The following SLC9B1 variants were observed in gnomAD, a reference collection of about 807,000 sequenced individuals.
The protein encoded by SLC9B1 is sodium/hydrogen exchanger 9B1.
Under a neutral mutation model 51.7 loss-of-function variants are expected in SLC9B1, and 32 were observed. The observed-to-expected ratio is 0.62, with a 90% CI of 0.47 to 0.83. The LOEUF is 0.83. Ranked by LOEUF, SLC9B1 falls within the 40% of genes least tolerant of loss-of-function variation. SLC9B1 has a pLI of 0.00. For missense variants in SLC9B1, 406 were observed against 613.2 expected, an observed-to-expected ratio of 0.66 and a Z score of 3.57; for synonymous variants, 145 against 212.7, an observed-to-expected ratio of 0.68 and a Z score of 2.77.
At chr4:102,960,134 T>C (rs1243311944) in intron 3 of SLC9B1, among the ~76,000 whole-genome samples, 3 of 152,014 alleles carry the variant, frequency 2.0e-5, no homozygotes, top group Non-Finnish European at 4.4e-5. Flanking sequence ...ATATATGCAC[T>C]GGGATATCTT....
At chr4:102,954,395 T>C (rs1737672725) in intron 3 of SLC9B1, among the ~76,000 whole-genome samples, 1 of 88,978 alleles carries the variant, frequency 1.1e-5, no homozygotes, top group Non-Finnish European at 2.1e-5. Flanking sequence ...TGAGGATTTT[T>C]GCATCAATGT....
intron 7 of SLC9B1, among the ~76,000 whole-genome samples, chr4:102,925,389 C>T (rs1038958077): frequency 6.6e-6 from 1 of 152,094 alleles, no homozygotes; most frequent in Non-Finnish European, 1.5e-5. Context: ...GAACATCACA[C>T]ACTGGGGCCT....
At position 102,940,890 on chromosome 4, in the gene SLC9B1, G is replaced by A. The variant is rs1329666712; in HGVS notation, c.653+4303C>T. 9.2e-5 allele frequency among the ~76,000 whole-genome samples: 14 copies of A among 152,148 alleles called. No individual in the cohort carries two copies. In the East Asian group the frequency reaches 9.7e-4, roughly 11 times the overall value. Reference sequence around the variant, plus strand: ...GCAATGGGGAAAGGAATCCCTACTCGGAAATTGTGCTGGGATAACTGGCTA... The same window carrying A: ...GCAATGGGGAAAGGAATCCCTACTCAGAAATTGTGCTGGGATAACTGGCTA... On this transcript the variant is annotated intron_variant, in intron 6 of 11. Transcript: ENST00000296422.
At chr4:102,887,423 AAGT>A in intron 11 of SLC9B1, 1 of 997,110 alleles carries the variant, frequency 1.0e-6, no homozygotes, top group Non-Finnish European at 1.6e-6. Flanking sequence ...AAGAAGAAAG[AAGT>A]ATAATAATAA....
downstream of SLC9B1, chr4:102,896,862 T>C (rs952747764): frequency 7.2e-6 from 1 of 139,266 alleles, no homozygotes; most frequent in African/African-American, 2.7e-5. Context: ...GCAAAGTCTT[T>C]GTTGGATTAA....
At chr4:102,893,119 CA>C (rs1030506197) in intron 11 of SLC9B1, among the ~76,000 whole-genome samples, 2 of 151,240 alleles carry the variant, frequency 1.3e-5, no homozygotes, top group African/African-American at 4.9e-5. Flanking sequence ...CTCGTCTCTA[CA>C]AAAATATAAA....
chr4:102,951,408 G>C (rs983824220), intron 3 of SLC9B1, among the ~76,000 whole-genome samples: 4 of 151,752 alleles, frequency 2.6e-5, no homozygotes, highest in African/African-American at 4.8e-5. Flanking sequence ...ACAAAGAATG[G>C]GATTAGATGT....
At position 103,005,261 on chromosome 4, in the gene SLC9B1, TAA is replaced by T. The variant is rs111991015; in HGVS notation, c.-1-13551_-1-13550del. Among the ~76,000 whole-genome samples, 1,212 of 135,588 alleles carry T rather than the reference TAA, an allele frequency of 8.9e-3. 5 individuals are homozygous for T. Among genetic ancestry groups the T allele is most frequent in the Admixed American group, 0.024 (327 of 13,758 alleles). The allele number at this position is 135,588 out of a possible 152,430, so 89.0% of individuals were successfully genotyped here. ...ATAGAGAAAAATCTACCAAGCAAAT[TAA>T]AAAAAAAAAAAAAACCAGAAAAAAG... On this transcript the variant is annotated intron_variant, in intron 1 of 11. Transcript: ENST00000296422.
At chr4:102,935,064 AT>A (rs1736652246) in intron 6 of SLC9B1, among the ~76,000 whole-genome samples, 1 of 152,154 alleles carries the variant, frequency 6.6e-6, no homozygotes, top group Non-Finnish European at 1.5e-5. Flanking sequence ...GAGAAAAAAA[AT>A]CATCACAAAC....
Position 102,895,657 on chromosome 4 carries a change from C to T in SLC9B1, c.1332+9857G>A, listed in dbSNP as rs1385797913. ...TGTTAATAAAACAGATTTGATAACA[C>T]GAAGGCCAATGATGACCTTACCCAC... is the stretch of plus-strand genomic sequence containing the variant. On this transcript the variant is annotated intron_variant, in intron 11 of 11. Transcript: ENST00000394789. Among the ~76,000 whole-genome samples, 5 of 152,028 alleles carry T rather than the reference C, an allele frequency of 3.3e-5. No individual in the cohort carries two copies. In the East Asian group the frequency reaches 5.8e-4, roughly 18 times the overall value.
Position 102,927,509 on chromosome 4 carries a change from T to C in SLC9B1, c.829+4615A>G, listed in dbSNP as rs560808546. Among the ~76,000 whole-genome samples the C allele has an allele frequency of 2.6e-5, 4 of 152,156 alleles. No individual in the cohort carries two copies. The South Asian group carries it at 8.3e-4, about 32-fold the overall frequency. Reference sequence around the variant, plus strand: ...TCACTGGTCATCAGAGAAATGCAAATCAAAACCACAATGAGATATCATCTC... The same window carrying C: ...TCACTGGTCATCAGAGAAATGCAAACCAAAACCACAATGAGATATCATCTC... On this transcript the variant is annotated intron_variant, in intron 7 of 11. Coordinates refer to ENST00000296422, the MANE Select transcript of SLC9B1 (RefSeq NM_139173.4).
At chr4:103,004,972 C>A (rs554955616) in intron 1 of SLC9B1, among the ~76,000 whole-genome samples, 1 of 152,114 alleles carries the variant, frequency 6.6e-6, no homozygotes, top group East Asian at 1.9e-4. Flanking sequence ...TACCAGCCAC[C>A]ACAAAAACAC....
chr4:102,998,015 G>A (rs1166632894), intron 1 of SLC9B1, among the ~76,000 whole-genome samples: 1 of 152,048 alleles, frequency 6.6e-6, no homozygotes, highest in Non-Finnish European at 1.5e-5. Context: ...GGTAAAATAT[G>A]CATAAAATTT....
chr4:102,995,883 C>T (rs1740189013), intron 1 of SLC9B1, among the ~76,000 whole-genome samples: 1 of 152,148 alleles, frequency 6.6e-6, no homozygotes, highest in South Asian at 2.1e-4. Flanking sequence ...AAGCACTTAA[C>T]ATGAATCATC....
chr4:102,975,586 A>ATCTTTTTTT (rs1217142990), intron 3 of SLC9B1, among the ~76,000 whole-genome samples: 1 of 62,304 alleles, frequency 1.6e-5, no homozygotes, highest in Non-Finnish European at 2.7e-5. Flanking sequence ...ATATATATAT[A>ATCTTTTTTT]TTTTTTTTTT....
chr4:102,948,896 C>A (rs1449401060), intron 4 of SLC9B1, among the ~76,000 whole-genome samples: 2 of 152,020 alleles, frequency 1.3e-5, no homozygotes, highest in Admixed American at 1.3e-4. Context: ...TTCACTAGAG[C>A]CCAAATGTCA....
intron 1 of SLC9B1, among the ~76,000 whole-genome samples, chr4:103,010,990 G>A (rs955026379): frequency 2.0e-5 from 3 of 152,212 alleles, no homozygotes; most frequent in South Asian, 2.1e-4. Flanking sequence ...AACTGTTTCC[G>A]ATACCAACTC....
chr4:102,995,255 T>G (rs1740153823), intron 1 of SLC9B1, among the ~76,000 whole-genome samples: 1 of 152,172 alleles, frequency 6.6e-6, no homozygotes, highest in Non-Finnish European at 1.5e-5. Flanking sequence ...TCTTATACTC[T>G]TGTTAGGTGG....
rs554856668 is a variant in SLC9B1, at chr4:102,902,173, C to T, written c.1333-841G>A. On this transcript the variant is annotated intron_variant, in intron 11 of 11. Coordinates refer to ENST00000296422, the MANE Select transcript of SLC9B1 (RefSeq NM_139173.4). ...TAACATAAAGCAAATTTCTTGCTAA[C>T]CCTCTTTCTTTGTGTTTAATAATCT... Among the ~76,000 whole-genome samples the T allele has an allele frequency of 3.9e-5, 6 of 152,186 alleles. No individual in the cohort carries two copies. In the South Asian group the frequency reaches 1.2e-3, roughly 32 times the overall value.
Sources: allele counts gnomAD v4.1 joint callset (sites outside exome capture counted in the v4.1 genomes callset), GRCh38; gene constraint gnomAD v4.1.1; transcripts MANE v1.5; gene names NCBI Gene and HGNC (gene_info 2026-07-23, HGNC 2026-07-21).